Variants in FAT2 observed in about 807,000 individuals in gnomAD.
FAT2 encodes protocadherin Fat 2.
Under a neutral mutation model 295.3 loss-of-function variants are expected in FAT2, and 150 were observed. That is an observed-to-expected ratio of 0.51 (90% CI 0.44 to 0.58). The LOEUF is 0.58. Among genes scored for constraint, FAT2 ranks in the 20% least tolerant of loss-of-function variants. FAT2 has a pLI of 0.00. For synonymous variants in FAT2, 2,026 were observed against 2,150.3 expected, an observed-to-expected ratio of 0.94 and a Z score of 1.60; for missense variants, 4,868 against 5,442.7, an observed-to-expected ratio of 0.89 and a Z score of 3.32.
chr5:151,530,625 A>AT (rs1169831740), intron 14 of FAT2, among the ~76,000 whole-genome samples: 1 of 152,236 alleles, frequency 6.6e-6, no homozygotes, highest in Non-Finnish European at 1.5e-5. Context: ...TCGAAAAGAC[A>AT]TTTATGAGAA....
At chr5:151,563,705 T>G in intron 2 of FAT2, 66 bp from the exon 3 acceptor site, 1 of 1,376,878 alleles carries the variant, frequency 7.3e-7, no homozygotes, top group Non-Finnish European at 1.0e-6. Flanking sequence ...AAATCACCCT[T>G]ACCCACCATT....
In FAT2 at chr5:151,543,321, A is replaced by C; in HGVS notation, c.7806T>G (p.Ser2602=). The C allele has an allele frequency of 6.2e-7, 1 of 1,614,218 alleles. No individual in the cohort carries two copies. Among genetic ancestry groups the C allele is most frequent in the East Asian group, 2.2e-5 (1 of 44,882 alleles). ...CATAGGCCAACACCTGGATAACCGG[A>C]GAGTCTTTACTGACATTGGATTGAA... The part of the protein sequence containing the change: ...VSIQSNVSKD[S]PVIQVLAYDA... The change falls in exon 10 of 24, where the codon TCT becomes TCG. Residue 2602 remains serine (S), a synonymous_variant. Coordinates refer to ENST00000261800, the MANE Select transcript of FAT2 (RefSeq NM_001447.3).
At position 151,550,814 on chromosome 5, in the gene FAT2, G is replaced by T; in HGVS notation, c.4354C>A (p.Arg1452Ser). 6.2e-7 allele frequency: 1 copy of T among 1,613,852 alleles called. No individual in the cohort carries two copies. Among genetic ancestry groups the T allele is most frequent in the Non-Finnish European group, 8.5e-7 (1 of 1,179,992 alleles). The change falls in exon 8 of 24, where the codon CGT becomes AGT. Residue 1452 changes from arginine (R) to serine (S), a missense_variant. Coordinates refer to ENST00000261800, the MANE Select transcript of FAT2 (RefSeq NM_001447.3). Reference protein sequence around the residue: ...NHHRPQFLETRYEVRVPQDTV... With the variant: ...NHHRPQFLETSYEVRVPQDTV... ...TCCTGGGGAACTCTGACTTCATAAC[G>T]AGTTTCCAGAAACTGGGGCCGATGG...
chr5:151,541,987 C>CTGTA (rs1561847652), intron 10 of FAT2, among the ~76,000 whole-genome samples: 1 of 152,228 alleles, frequency 6.6e-6, no homozygotes. Context: ...CAAAAGACAA[C>CTGTA]TGACAGCAGT....
chr5:151,554,636 G>A lies in FAT2; in HGVS notation c.3671C>T (p.Ser1224Phe), dbSNP rs149163277. 3 of 1,613,976 alleles carry A rather than the reference G, an allele frequency of 1.9e-6. No homozygotes were observed. Among genetic ancestry groups the A allele is most frequent in the Non-Finnish European group, 2.5e-6 (3 of 1,180,014 alleles). ...VLDNGEPSLK[S>F]TSRVVVGILD... Reference sequence around the variant, plus strand: ...GATGCCTACCACCACCCTGGAGGTGGACTTCAGTGAGGGTTCCCCATTGTC... The same window carrying A: ...GATGCCTACCACCACCCTGGAGGTGAACTTCAGTGAGGGTTCCCCATTGTC... Residue 1224 changes from serine (S) to phenylalanine (F), a missense_variant, in exon 5 of 24, where the codon TCC becomes TTC. Physicochemically the swap from Ser to Phe is radical, Grantham distance 155. Transcript: ENST00000261800.
chr5:151,586,354 T>C (rs1428358639), intron 1 of FAT2, among the ~76,000 whole-genome samples: 1 of 152,234 alleles, frequency 6.6e-6, no homozygotes, highest in African/African-American at 2.4e-5. Context: ...AGATGGCATT[T>C]TCCTGTTGCC....
rs2127645158 is a variant in FAT2, at chr5:151,566,059, C to T, written c.2873G>A (p.Gly958Asp). Reference protein sequence around the residue: ...DASDPDLGPAGEVRYVLMDGA... With the variant: ...DASDPDLGPADEVRYVLMDGA... ...ATCCATCAGAACATATCGCACTTCA[C>T]CTGCGGGGCCCAGGTCAGGATCAGA... Residue 958 changes from glycine to aspartate, a missense_variant, in exon 2 of 24, where the codon GGT becomes GAT. Around this residue, in one of 5 missense-constraint regions of FAT2, gnomAD observed 3,297 missense variants for 3,669.4 expected, o/e 0.90. Coordinates refer to ENST00000261800, the MANE Select transcript of FAT2 (RefSeq NM_001447.3). 2 of 1,614,146 alleles carry T rather than the reference C, an allele frequency of 1.2e-6. No individual in the cohort carries two copies. Among genetic ancestry groups the T allele is most frequent in the Non-Finnish European group, 1.7e-6 (2 of 1,180,028 alleles).
intron 8 of FAT2, among the ~76,000 whole-genome samples, chr5:151,549,887 T>C (rs185092433): frequency 5.3e-5 from 8 of 152,210 alleles, no homozygotes; most frequent in African/African-American, 1.9e-4. Context: ...GTCAAACAGT[T>C]TTCTTTGTTG....
rs987107731 is a variant in FAT2, at chr5:151,512,955, G to A, written c.11464-349C>T. Among the ~76,000 whole-genome samples the A allele has an allele frequency of 1.3e-5, 2 of 152,186 alleles. No homozygotes were observed. The highest frequency in any genetic ancestry group is 2.9e-5 in the Non-Finnish European group (2 of 68,026). On this transcript the variant is annotated intron_variant, in intron 20 of 23. Transcript: ENST00000261800. The surrounding 1 kb of genome is among the most constrained non-coding windows in gnomAD (Gnocchi z 4.1). Reference sequence around the variant, plus strand: ...CCACACTTGTGAATATTGGCCTTCAGCGATTTGAAAAACCTGTCTCCCACT... The same window carrying A: ...CCACACTTGTGAATATTGGCCTTCAACGATTTGAAAAACCTGTCTCCCACT...
Position 151,566,663 on chromosome 5 carries a change from C to T in FAT2, c.2269G>A (p.Gly757Ser), listed in dbSNP as rs763781310. ...NGKLVYVIAD[G>S]NEEGCFDIEL... ...ATGTCAAAGCAGCCCTCCTCATTGCCATCTGCAATCACATAGACCAGTTTG... is the reference window on the plus strand; with the variant it reads ...ATGTCAAAGCAGCCCTCCTCATTGCTATCTGCAATCACATAGACCAGTTTG... Residue 757 changes from glycine to serine, a missense_variant, in exon 2 of 24, where the codon GGC becomes AGC. Gly to Ser is a moderately conservative substitution (Grantham distance 56). Around this residue, in one of 5 missense-constraint regions of FAT2, gnomAD observed 3,297 missense variants for 3,669.4 expected, o/e 0.90. Coordinates refer to ENST00000261800, the MANE Select transcript of FAT2 (RefSeq NM_001447.3). 1.3e-5 allele frequency: 21 copies of T among 1,614,056 alleles called. No homozygotes were observed. Among genetic ancestry groups the T allele is most frequent in the Non-Finnish European group, 1.7e-5 (20 of 1,180,054 alleles).
Position 151,566,179 on chromosome 5 carries a change from A to G in FAT2, c.2753T>C (p.Val918Ala), listed in dbSNP as rs2127645470. 1 of 1,614,084 alleles carries G rather than the reference A, an allele frequency of 6.2e-7. No homozygotes were observed. The highest frequency in any genetic ancestry group is 8.5e-7 in the Non-Finnish European group (1 of 1,180,010). Reference protein sequence around the residue: ...VTDLIITLEDVNDNSPQCITE... With the variant: ...VTDLIITLEDANDNSPQCITE... ...GATGCACTGGGGAGAGTTGTCGTTGACATCCTCCAATGTGATTATCAGGTC... is the reference window on the plus strand; with the variant it reads ...GATGCACTGGGGAGAGTTGTCGTTGGCATCCTCCAATGTGATTATCAGGTC... Residue 918 changes from valine to alanine, a missense_variant, in exon 2 of 24, where the codon GTC (valine) becomes GCC (alanine). Val to Ala is a moderately conservative substitution (Grantham distance 64). Around this residue, in one of 5 missense-constraint regions of FAT2, gnomAD observed 3,297 missense variants for 3,669.4 expected, o/e 0.90. Coordinates refer to ENST00000261800, the MANE Select transcript of FAT2 (RefSeq NM_001447.3).
intron 18 of FAT2, among the ~76,000 whole-genome samples, chr5:151,522,528 C>T (rs1218203102): frequency 2.0e-5 from 3 of 152,182 alleles, no homozygotes; most frequent in African/African-American, 7.2e-5. Context: ...TTTTGCTATG[C>T]GATTGGAGTG....
intron 3 of FAT2, among the ~76,000 whole-genome samples, chr5:151,559,776 G>A (rs941804639): frequency 3.9e-5 from 6 of 151,916 alleles, no homozygotes; most frequent in East Asian, 1.9e-4. Flanking sequence ...TCAATGCCCC[G>A]AGGTATCCTG....
chr5:151,565,540 G>C (rs963076657), intron 2 of FAT2, 133 bp downstream of exon 2: 5 of 846,458 alleles, frequency 5.9e-6, no homozygotes, highest in Non-Finnish European at 8.8e-6. Context: ...ACAGGAAAAA[G>C]AATCCCTATT....
intron 1 of FAT2, among the ~76,000 whole-genome samples, chr5:151,579,732 A>G (rs1758870848): frequency 6.6e-6 from 1 of 151,916 alleles, no homozygotes; most frequent in Non-Finnish European, 1.5e-5. Context: ...ATAAGGAAAT[A>G]CATTTAAAAA....
chr5:151,580,416 G>A (rs375058200), intron 1 of FAT2, among the ~76,000 whole-genome samples: 1 of 152,238 alleles, frequency 6.6e-6, no homozygotes, highest in Admixed American at 6.5e-5. Flanking sequence ...ACACATGCAT[G>A]TATGACATTT....
At chr5:151,524,894 A>T (rs978609109) in intron 18 of FAT2, among the ~76,000 whole-genome samples, 10 of 152,174 alleles carry the variant, frequency 6.6e-5, no homozygotes, top group Admixed American at 3.3e-4. Flanking sequence ...CTCCCTCTGA[A>T]TGTGTGTCCC....
In FAT2 at chr5:151,505,005, G is replaced by A. The variant is rs905422334; in HGVS notation, c.*560C>T. 3.8e-5 allele frequency: 6 copies of A among 156,366 alleles called. No individual in the cohort carries two copies. The highest frequency in any genetic ancestry group is 1.4e-4 in the African/African-American group (6 of 41,480). The allele number at this position is 156,366 out of a possible 1,614,324, so 9.7% of individuals were successfully genotyped here. On this transcript the variant is annotated 3_prime_UTR_variant, in exon 24 of 24. Transcript: ENST00000261800. ...TGACGTGGAGCAGACACTTGACAAA[G>A]ACACAGTGAGTGCTCGACTGAGGCA...
rs1756371154 is a variant in FAT2, at chr5:151,543,692, G to A, written c.7435C>T (p.Pro2479Ser). The A allele has an allele frequency of 6.2e-7, 1 of 1,614,136 alleles. No individual in the cohort carries two copies. The highest frequency in any genetic ancestry group is 8.5e-7 in the Non-Finnish European group (1 of 1,180,016). Residue 2479 changes from proline (P) to serine (S), a missense_variant, in exon 10 of 24, where the codon CCA becomes TCA. By Grantham distance (74) the Pro-to-Ser change is moderately conservative. This residue lies in a region of FAT2 where 3,297 missense variants were observed against 3,669.4 expected (regional missense o/e 0.90). Coordinates refer to ENST00000261800, the MANE Select transcript of FAT2 (RefSeq NM_001447.3). The part of the protein sequence containing the change: ...INTTNANKYS[P>S]EFQQHLYEAE... Reference sequence around the variant, plus strand: ...TCATAAAGGTGCTGCTGGAACTCTGGGCTGTACTTGTTGGCATTTGTAGTG... The same window carrying A: ...TCATAAAGGTGCTGCTGGAACTCTGAGCTGTACTTGTTGGCATTTGTAGTG...
Sources: allele counts gnomAD v4.1 joint callset (sites outside exome capture counted in the v4.1 genomes callset), GRCh38; gene constraint gnomAD v4.1.1; regional missense constraint gnomAD v4.1.1; non-coding constraint Gnocchi (gnomAD v3.1); transcripts MANE v1.5; gene names NCBI Gene and HGNC (gene_info 2026-07-23, HGNC 2026-07-21).